The following SCN11A variants were observed in gnomAD, a reference collection of about 807,000 sequenced individuals.
The protein encoded by SCN11A is sodium voltage-gated channel alpha subunit 11, also known as sodium channel protein type 11 subunit alpha.
In SCN11A, 122 loss-of-function variants were observed where a neutral mutation model predicts 162.2. The ratio of observed to expected loss-of-function variants is 0.75; its 90% CI spans 0.65 to 0.87. The LOEUF (loss-of-function observed/expected upper bound fraction) is 0.87, where lower values mean the gene tolerates loss of function less well. Among genes scored for constraint, SCN11A ranks in the 40% least tolerant of loss-of-function variants. SCN11A has a pLI of 0.00. For synonymous variants in SCN11A, 758 were observed against 751.5 expected, an observed-to-expected ratio of 1.01 and a Z score of -0.14; for missense variants, 2,015 against 2,181.6, an observed-to-expected ratio of 0.92 and a Z score of 1.52.
intron 2 of SCN11A, among the ~76,000 whole-genome samples, chr3:39,004,990 T>C (rs1463913207): frequency 6.6e-6 from 1 of 152,136 alleles, no homozygotes; most frequent in Admixed American, 6.5e-5. Context: ...TCCTGTCCCT[T>C]TTAAGGGCTC....
intron 2 of SCN11A, among the ~76,000 whole-genome samples, chr3:39,030,353 C>T (rs1364341401): frequency 6.6e-6 from 1 of 152,122 alleles, no homozygotes; most frequent in African/African-American, 2.4e-5. Context: ...CCGGTCCTAA[C>T]AAAAAATCCC....
intron 19 of SCN11A, among the ~76,000 whole-genome samples, chr3:38,890,509 C>T (rs764726545): frequency 1.3e-5 from 2 of 152,200 alleles, no homozygotes; most frequent in Admixed American, 6.5e-5. Context: ...CAAAGAACTA[C>T]GGAAAGTGAT....
intron 23 of SCN11A, 30 bp from the exon 24 acceptor site, chr3:38,872,324 A>G (rs1405836075): frequency 9.8e-6 from 12 of 1,220,586 alleles, no homozygotes; most frequent in Non-Finnish European, 1.5e-5. Flanking sequence ...CAGATAATGT[A>G]CCTGACTTGG....
At position 38,870,750 on chromosome 3, in the gene SCN11A, A is replaced by C. The variant is rs1296524863; in HGVS notation, c.3760-6T>G. 1 of 1,612,800 alleles carries C rather than the reference A, an allele frequency of 6.2e-7. No homozygotes were observed. Among genetic ancestry groups the C allele is most frequent in the African/African-American group, 1.3e-5 (1 of 74,998 alleles). On this transcript the variant is annotated splice_region_variant and splice_polypyrimidine_tract_variant and intron_variant, in intron 25 of 29. Coordinates refer to ENST00000302328, the MANE Select transcript of SCN11A (RefSeq NM_001349253.2). ...ATCCAGCCCTTAAATGTTGCCTGCA[A>C]CAAAAGCAGAAAAACATGAATAATA...
At chr3:38,897,692 G>C (rs1420773677) in intron 17 of SCN11A, among the ~76,000 whole-genome samples, 1 of 150,224 alleles carries the variant, frequency 6.7e-6, no homozygotes, top group East Asian at 1.9e-4. Context: ...CTCCAGCCTG[G>C]AGACAGAGCA....
chr3:38,856,865 G>A (rs1003296230), intron 28 of SCN11A, among the ~76,000 whole-genome samples: 6 of 152,132 alleles, frequency 3.9e-5, no homozygotes, highest in African/African-American at 1.2e-4. Flanking sequence ...GGGAAAGCCA[G>A]TGCACAATGA....
intron 2 of SCN11A, among the ~76,000 whole-genome samples, chr3:39,025,389 T>C (rs561887030): frequency 2.6e-5 from 4 of 152,148 alleles, no homozygotes; most frequent in Non-Finnish European, 5.9e-5. Flanking sequence ...AATAAAAGAA[T>C]GGCTACTCCC....
At chr3:38,883,184 C>T (rs1245673106) in intron 22 of SCN11A, 49 bp downstream of exon 22, 3 of 1,531,552 alleles carry the variant, frequency 2.0e-6, no homozygotes, top group Non-Finnish European at 2.7e-6. Flanking sequence ...AGTGCAGCTT[C>T]CCCAGCTGCC....
chr3:38,976,259 C>T (rs768410958), intron 2 of SCN11A, among the ~76,000 whole-genome samples: 1 of 152,060 alleles, frequency 6.6e-6, no homozygotes, highest in African/African-American at 2.4e-5. Context: ...CAGTAATATA[C>T]ATACTGTCAT....
chr3:38,956,362 T>G (rs747653879), intron 3 of SCN11A, among the ~76,000 whole-genome samples: 6 of 152,238 alleles, frequency 3.9e-5, no homozygotes, highest in Non-Finnish European at 5.9e-5. Context: ...AAAAATATGT[T>G]TCAGAAAATG....
At chr3:38,899,852 TAGGCA>T in intron 17 of SCN11A, 37 bp downstream of exon 17, 1 of 1,548,448 alleles carries the variant, frequency 6.5e-7, no homozygotes. Flanking sequence ...TTTTTCCACT[TAGGCA>T]GCTACGTTTA....
At chr3:38,908,822 G>A (rs761910245) in intron 13 of SCN11A, among the ~76,000 whole-genome samples, 175 bp downstream of exon 13, 1 of 152,126 alleles carries the variant, frequency 6.6e-6, no homozygotes, top group African/African-American at 2.4e-5. Context: ...GGACAATTTT[G>A]TGAAAGATAG....
rs143627217 is a variant in SCN11A at position 38,878,553 on chromosome 3, G to T, written c.3393+1397C>A. 8.6e-3 allele frequency among the ~76,000 whole-genome samples: 1,308 copies of T among 152,106 alleles called. 13 individuals are homozygous for T. Among genetic ancestry groups the T allele is most frequent in the Non-Finnish European group, 0.014 (927 of 67,978 alleles). On this transcript the variant is annotated intron_variant, in intron 23 of 29. Coordinates refer to ENST00000302328, the MANE Select transcript of SCN11A (RefSeq NM_001349253.2). The stretch of plus-strand genomic sequence containing the variant: ...TTTTCTTTTTACTATAATCTATTAA[G>T]ATAATACGTACAGAGTTATTTGCTC...
chr3:38,907,873 T>C, intron 14 of SCN11A, 76 bp downstream of exon 14: 1 of 1,269,994 alleles, frequency 7.9e-7, no homozygotes, highest in South Asian at 1.5e-5. Context: ...AAATGAATTA[T>C]TTCAATTTGA....
Position 38,894,681 on chromosome 3 carries a change from T to C in SCN11A, c.2687A>G (p.Glu896Gly), listed in dbSNP as rs1398268010. The change falls in exon 19 of 30, where the codon GAG (glutamate) becomes GGG (glycine). Residue 896 changes from glutamate (E) to glycine (G), a missense_variant. Physicochemically the swap from Glu to Gly is moderately conservative, Grantham distance 98 (BLOSUM62 -2). Transcript: ENST00000302328. Reference sequence around the variant, plus strand: ...TGGTACAGAGGTTAGTATACCAAGCTCCTCCTGGGTCTCTGAGCCCCTTTT... The same window carrying C: ...TGGTACAGAGGTTAGTATACCAAGCCCCTCCTGGGTCTCTGAGCCCCTTTT... ...EMKRGSETQE[E>G]LGILTSVPKT... The C allele has an allele frequency of 1.9e-6, 3 of 1,613,992 alleles. No homozygotes were observed. The highest frequency in any genetic ancestry group is 1.7e-5 in the Admixed American group (1 of 59,992).
At chr3:38,999,202 G>T (rs1432328874) in intron 2 of SCN11A, among the ~76,000 whole-genome samples, 1 of 152,032 alleles carries the variant, frequency 6.6e-6, no homozygotes, top group African/African-American at 2.4e-5. Context: ...AGCTTTAAAA[G>T]AACTAAAAAT....
intron 7 of SCN11A, among the ~76,000 whole-genome samples, chr3:38,943,981 T>C (rs2066478607): frequency 6.6e-6 from 1 of 152,206 alleles, no homozygotes; most frequent in Non-Finnish European, 1.5e-5. Context: ...ATGTTTCCAA[T>C]ACAAGGAAAT....
chr3:38,995,079 T>G (rs1296719063), intron 2 of SCN11A, among the ~76,000 whole-genome samples: 1 of 152,004 alleles, frequency 6.6e-6, no homozygotes, highest in Non-Finnish European at 1.5e-5. Context: ...TAGTGTGACT[T>G]CTGGGCCCCA....
At chr3:38,917,322 C>A (rs112008886) in intron 11 of SCN11A, among the ~76,000 whole-genome samples, 1 of 152,030 alleles carries the variant, frequency 6.6e-6, no homozygotes, top group Non-Finnish European at 1.5e-5. Flanking sequence ...GGGTATATAC[C>A]CAAAGGAATA....
Sources: gnomAD v4.1 joint callset for allele counts (sites outside exome capture counted in the v4.1 genomes callset) on GRCh38, gnomAD v4.1.1 for gene constraint, MANE v1.5 for transcripts, NCBI Gene and HGNC (gene_info 2026-07-23, HGNC 2026-07-21) for gene names.